GALNT17: variants seen among roughly 807,000 people sequenced by gnomAD.
GALNT17 encodes UDP-GalNAc:polypeptide N-acetylgalactosaminyltransferase-like 3.
A neutral mutation model predicts 63.7 loss-of-function variants in GALNT17; 29 were observed. The ratio of observed to expected loss-of-function variants is 0.46; its 90% CI spans 0.34 to 0.62. The LOEUF is 0.62. Among genes scored for constraint, GALNT17 ranks in the 20% least tolerant of loss-of-function variants. GALNT17 has a pLI of 0.01. For synonymous variants in GALNT17, 305 were observed against 318.3 expected (o/e 0.96, Z 0.45); for missense variants, 603 against 799.6 (o/e 0.75, Z 2.97).
intron 5 of GALNT17, among the ~76,000 whole-genome samples, chr7:71,437,862 A>T (rs1786993586): frequency 6.6e-6 from 1 of 152,094 alleles, no homozygotes; most frequent in Non-Finnish European, 1.5e-5. Flanking sequence ...CTACAGGTGC[A>T]TGCCATGCCC....
chr7:71,142,148 G>C (rs1022092404), intron 1 of GALNT17, among the ~76,000 whole-genome samples: 3 of 152,156 alleles, frequency 2.0e-5, no homozygotes, highest in Non-Finnish European at 2.9e-5. Context: ...GGGATTATAG[G>C]AATGAGCCAC....
chr7:71,236,038 G>A (rs577395542), intron 1 of GALNT17, among the ~76,000 whole-genome samples: 11 of 152,110 alleles, frequency 7.2e-5, no homozygotes, highest in Non-Finnish European at 1.0e-4. Flanking sequence ...AAAATTAGCC[G>A]GGCGTGGTGG....
chr7:71,584,816 G>T (rs976775384), intron 6 of GALNT17, among the ~76,000 whole-genome samples: 1 of 151,794 alleles, frequency 6.6e-6, no homozygotes, highest in African/African-American at 2.4e-5. Context: ...GTGCAGTGGC[G>T]CGATCTCCAC....
chr7:71,298,711 GGT>G (rs10602909), intron 1 of GALNT17, among the ~76,000 whole-genome samples: 9,328 of 141,514 alleles, frequency 0.066, 567 homozygotes, highest in African/African-American at 0.15. Context: ...ATTCCAGTGG[GGT>G]GTGTGTGTGT....
At chr7:71,407,904 G>T (rs556065154) in intron 3 of GALNT17, among the ~76,000 whole-genome samples, 1 of 152,242 alleles carries the variant, frequency 6.6e-6, no homozygotes, top group South Asian at 2.1e-4. Context: ...GTCACCAGGG[G>T]TTGGGAAAGG....
chr7:71,388,136 T>A, intron 2 of GALNT17, 99 bp from the exon 3 acceptor site: 1 of 1,327,988 alleles, frequency 7.5e-7, no homozygotes. Context: ...TTGGGACGAC[T>A]GGATGAGGAT....
At chr7:71,361,067 T>C (rs1792391637) in intron 2 of GALNT17, among the ~76,000 whole-genome samples, 1 of 152,184 alleles carries the variant, frequency 6.6e-6, no homozygotes, top group South Asian at 2.1e-4. Context: ...ATTGAATAAA[T>C]ATGTAACTGA....
intron 6 of GALNT17, among the ~76,000 whole-genome samples, chr7:71,628,321 T>C (rs2116984100): frequency 6.6e-6 from 1 of 152,260 alleles, no homozygotes; most frequent in Non-Finnish European, 1.5e-5. Flanking sequence ...AAATGCTTTT[T>C]TTTATTTTTT....
chr7:71,692,839 A>G (rs906890362), intron 9 of GALNT17, among the ~76,000 whole-genome samples: 8 of 151,308 alleles, frequency 5.3e-5, no homozygotes, highest in African/African-American at 1.9e-4. Flanking sequence ...CCCAGGTTCA[A>G]GTGATTCTTC....
intron 5 of GALNT17, among the ~76,000 whole-genome samples, chr7:71,532,737 C>G (rs10950263): frequency 0.11 from 17,030 of 152,152 alleles, 1,026 homozygotes; most frequent in East Asian, 0.24. Flanking sequence ...GAGTTCACTC[C>G]CATCTGCAGA....
chr7:71,243,718 C>T (rs925452032), intron 1 of GALNT17, among the ~76,000 whole-genome samples: 8 of 152,078 alleles, frequency 5.3e-5, no homozygotes, highest in South Asian at 2.1e-4. Context: ...TAACTTCCTT[C>T]GATCTTGTTC....
At chr7:71,237,002 G>A (rs1349914723) in intron 1 of GALNT17, among the ~76,000 whole-genome samples, 1 of 152,066 alleles carries the variant, frequency 6.6e-6, no homozygotes, top group Non-Finnish European at 1.5e-5. Flanking sequence ...CTCATGCATC[G>A]CCTGCCAGAA....
chr7:71,183,603 G>A (rs1482006663), intron 1 of GALNT17, among the ~76,000 whole-genome samples: 1 of 152,104 alleles, frequency 6.6e-6, no homozygotes, highest in Non-Finnish European at 1.5e-5. Context: ...TCCAGTGTCT[G>A]TTCCCTTTCT....
intron 6 of GALNT17, among the ~76,000 whole-genome samples, chr7:71,644,352 C>T (rs777876199): frequency 1.3e-5 from 2 of 151,482 alleles, no homozygotes; most frequent in East Asian, 2.0e-4. Flanking sequence ...CTGGTCAACA[C>T]GGTGAAACCC....
At chr7:71,260,288 A>C (rs931333035) in intron 1 of GALNT17, among the ~76,000 whole-genome samples, 3 of 152,078 alleles carry the variant, frequency 2.0e-5, no homozygotes, top group Admixed American at 1.3e-4. Context: ...GTCTCTTCCA[A>C]TTTGGAGATG....
chr7:71,693,311 T>TAC (rs1791489954), intron 9 of GALNT17, among the ~76,000 whole-genome samples: 1 of 141,210 alleles, frequency 7.1e-6, no homozygotes, highest in African/African-American at 2.7e-5. Flanking sequence ...CACACACACA[T>TAC]ATATATATAT....
chr7:71,564,828 C>G (rs1357854944), intron 5 of GALNT17, among the ~76,000 whole-genome samples: 1 of 152,124 alleles, frequency 6.6e-6, no homozygotes, highest in Admixed American at 6.6e-5. Flanking sequence ...TGTGAGAAAT[C>G]CCAGGACTCA....
chr7:71,605,819 C>G (rs550663775), intron 6 of GALNT17, among the ~76,000 whole-genome samples: 1 of 152,150 alleles, frequency 6.6e-6, no homozygotes, highest in African/African-American at 2.4e-5. Flanking sequence ...AAGGCTTGAT[C>G]TAGCCCTAAC....
At chr7:71,549,143 A>G (rs1239466440) in intron 5 of GALNT17, among the ~76,000 whole-genome samples, 1 of 152,038 alleles carries the variant, frequency 6.6e-6, no homozygotes, top group African/African-American at 2.4e-5. Flanking sequence ...CCTTTCTATT[A>G]CTCGAGCAGA....
Sources: allele counts gnomAD v4.1 joint callset (sites outside exome capture counted in the v4.1 genomes callset), GRCh38; gene constraint gnomAD v4.1.1; transcripts MANE v1.5; gene names NCBI Gene and HGNC (gene_info 2026-07-23, HGNC 2026-07-21).